FRS2: variants seen among roughly 807,000 people sequenced by gnomAD.
The protein encoded by FRS2 is FGFR signalling adaptor.
FRS2 carries 8 observed loss-of-function variants against 43.9 expected under a neutral mutation model. That is an observed-to-expected ratio of 0.18 (90% confidence interval 0.11 to 0.33). The LOEUF (loss-of-function observed/expected upper bound fraction) is 0.33. FRS2 is among the 10% of genes least tolerant of loss of function. FRS2 has a pLI of 1.00. For missense variants in FRS2, 534 were observed against 627.6 expected (o/e 0.85, Z 1.59); for synonymous variants, 219 against 220.3 (o/e 0.99, Z 0.05).
chr12:69,486,043 CT>C (rs1446317433), intron 1 of FRS2, among the ~76,000 whole-genome samples: 1 of 152,044 alleles, frequency 6.6e-6, no homozygotes, highest in Non-Finnish European at 1.5e-5. Context: ...TCTGCATTGC[CT>C]TTTTTGGCAT....
At chr12:69,471,808 T>C (rs1338026431) in intron 1 of FRS2, among the ~76,000 whole-genome samples, 1 of 152,266 alleles carries the variant, frequency 6.6e-6, no homozygotes, top group East Asian at 1.9e-4. Context: ...CCAGTGACGC[T>C]ATCTGCAACT....
At chr12:69,535,567 C>T (rs1350767507) in intron 3 of FRS2, among the ~76,000 whole-genome samples, 1 of 151,828 alleles carries the variant, frequency 6.6e-6, no homozygotes, top group Admixed American at 6.6e-5. Flanking sequence ...AATAATTTGA[C>T]CTCTTGGGCT....
At chr12:69,480,997 C>T (rs1209640114) in intron 1 of FRS2, among the ~76,000 whole-genome samples, 1 of 152,070 alleles carries the variant, frequency 6.6e-6, no homozygotes, top group Non-Finnish European at 1.5e-5. Flanking sequence ...TATAAGTAAC[C>T]GCCTGGAGAA....
intron 1 of FRS2, chr12:69,486,135 G>A (rs1871919460): frequency 6.6e-6 from 1 of 151,574 alleles, no homozygotes; most frequent in South Asian, 2.1e-4. Flanking sequence ...GGCACTTTCA[G>A]TGTAATACAG....
At chr12:69,471,952 G>A (rs1870337250) in intron 1 of FRS2, among the ~76,000 whole-genome samples, 1 of 152,226 alleles carries the variant, frequency 6.6e-6, no homozygotes, top group Admixed American at 6.5e-5. Flanking sequence ...AGTTCAGTGA[G>A]CTTTTCCTAT....
intron 1 of FRS2, among the ~76,000 whole-genome samples, chr12:69,525,189 A>G (rs1876085189): frequency 1.5e-5 from 1 of 67,808 alleles, no homozygotes; most frequent in Non-Finnish European, 2.7e-5. Context: ...AAGATGTAAT[A>G]TTGTTTTTTT....
chr12:69,505,610 T>C (rs1803201703), intron 1 of FRS2, among the ~76,000 whole-genome samples: 1 of 152,248 alleles, frequency 6.6e-6, no homozygotes, highest in Non-Finnish European at 1.5e-5. Flanking sequence ...GAACTATGTT[T>C]CTGCCAATAA....
intron 3 of FRS2, among the ~76,000 whole-genome samples, chr12:69,552,290 G>A (rs899371055): frequency 3.8e-4 from 28 of 73,182 alleles, no homozygotes; most frequent in African/African-American, 1.4e-3. Flanking sequence ...CAACAAGAGC[G>A]AAACTCCGTC....
chr12:69,481,995 GT>G lies in FRS2; in HGVS notation c.-261+11478del, dbSNP rs56727110. On this transcript the variant is annotated intron_variant, in intron 1 of 8. Coordinates refer to ENST00000549921, the MANE Select transcript of FRS2 (RefSeq NM_001278356.2). ...CTTAGAGGTACCTTAGTGTTTTATG[GT>G]TTTTTTTTTTTTCCTTAGTGAAAAC... is the stretch of plus-strand genomic sequence containing the variant. 2.1e-3 allele frequency among the ~76,000 whole-genome samples: 285 copies of G among 138,360 alleles called. 1 individual carries two copies. Among genetic ancestry groups the G allele is most frequent in the Middle Eastern group, 7.3e-3 (2 of 274 alleles). The allele number at this position is 138,360 out of a possible 152,430, so 90.8% of individuals were successfully genotyped here.
chr12:69,564,318 T>G (rs933455859), intron 4 of FRS2, among the ~76,000 whole-genome samples: 3 of 152,052 alleles, frequency 2.0e-5, no homozygotes, highest in Non-Finnish European at 2.9e-5. Context: ...CCCCAGAATT[T>G]CAACCACAGA....
At chr12:69,534,079 T>TG (rs1877056282) in intron 3 of FRS2, among the ~76,000 whole-genome samples, 2 of 152,270 alleles carry the variant, frequency 1.3e-5, no homozygotes, top group African/African-American at 4.8e-5. Context: ...ATAGTCTACT[T>TG]GGAGTTATGG....
chr12:69,521,413 C>T (rs1256115944), intron 1 of FRS2, among the ~76,000 whole-genome samples: 1 of 152,142 alleles, frequency 6.6e-6, no homozygotes, highest in African/African-American at 2.4e-5. Context: ...TGCCCGATTG[C>T]TCTGGCCAGG....
chr12:69,500,524 G>A (rs915237999), intron 1 of FRS2, among the ~76,000 whole-genome samples: 101 of 152,148 alleles, frequency 6.6e-4, no homozygotes, highest in Non-Finnish European at 2.4e-4. Flanking sequence ...TGAAGAAAAT[G>A]CATTCTTAGA....
rs1880528238 is a variant in FRS2, at chr12:69,569,058, A to T, written c.28A>T (p.Lys10Ter). MGSCCSCPD[K>*]DTVPDNHRNK... ...GGGTAGCTGTTGTAGCTGTCCAGAT[A>T]AAGACACTGTCCCAGATAACCATCG... Residue 10 changes from lysine (K) to a stop codon, truncating the protein, a stop_gained, in exon 5 of 9, where the codon AAA becomes TAA. Coordinates refer to ENST00000549921, the MANE Select transcript of FRS2 (RefSeq NM_001278356.2). LOFTEE classifies it high-confidence loss of function. The T allele has an allele frequency of 6.2e-7, 1 of 1,612,388 alleles. No homozygotes were observed. Among genetic ancestry groups the T allele is most frequent in the African/African-American group, 1.3e-5 (1 of 74,888 alleles).
intron 1 of FRS2, among the ~76,000 whole-genome samples, chr12:69,516,046 C>T (rs567590451): frequency 3.3e-5 from 5 of 152,006 alleles, no homozygotes; most frequent in South Asian, 2.1e-4. Context: ...AGTATTTATT[C>T]GTAAACCACC....
intron 4 of FRS2, among the ~76,000 whole-genome samples, chr12:69,565,934 T>C (rs1352441438): frequency 6.6e-6 from 1 of 152,188 alleles, no homozygotes; most frequent in African/African-American, 2.4e-5. Flanking sequence ...TATTACGTAC[T>C]ATACATAATT....
At chr12:69,530,644 G>A (rs1317612538) in intron 1 of FRS2, among the ~76,000 whole-genome samples, 1 of 152,118 alleles carries the variant, frequency 6.6e-6, no homozygotes, top group Non-Finnish European at 1.5e-5. Context: ...TCAGAAGGCT[G>A]AGGTGGGAGG....
chr12:69,507,979 G>A (rs1024175114), intron 1 of FRS2, among the ~76,000 whole-genome samples: 1 of 135,780 alleles, frequency 7.4e-6, no homozygotes, highest in Non-Finnish European at 1.5e-5. Flanking sequence ...AGCCGAGATC[G>A]CGCCATTGCA....
At chr12:69,536,822 G>A (rs1165225806) in intron 3 of FRS2, among the ~76,000 whole-genome samples, 2 of 152,016 alleles carry the variant, frequency 1.3e-5, no homozygotes, top group Non-Finnish European at 2.9e-5. Flanking sequence ...TACTGCCTCA[G>A]CCTCCCAAAG....
Sources: gnomAD v4.1 joint callset for allele counts (sites outside exome capture counted in the v4.1 genomes callset) on GRCh38, gnomAD v4.1.1 for gene constraint, MANE v1.5 for transcripts, NCBI Gene and HGNC (gene_info 2026-07-23, HGNC 2026-07-21) for gene names.